The following PDZD9 variants were observed in gnomAD, a reference collection of about 807,000 sequenced individuals.
PDZD9 encodes the protein PDZ domain containing 9.
Under a neutral mutation model 16.3 loss-of-function variants are expected in PDZD9, and 13 were observed. The observed-to-expected ratio is 0.80, with a 90% confidence interval of 0.52 to 1.27. The LOEUF is 1.27. PDZD9 is among the 50% of genes most tolerant of loss of function. PDZD9 has a pLI of 0.00. For missense variants in PDZD9, 288 were observed against 310.9 expected (o/e 0.93, Z 0.55); for synonymous variants, 120 against 111.0 (o/e 1.08, Z -0.51).
chr16:21,963,249 A>G, the PDZD9 span: 16 of 162,482 alleles, frequency 9.8e-5, 1 homozygote, highest in South Asian at 6.6e-4. Flanking sequence ...CACCCACCTC[A>G]GCCTCCCAAA....
At chr16:21,992,553 GA>G (rs1310155782) in intron 2 of PDZD9, among the ~76,000 whole-genome samples, 1 of 152,180 alleles carries the variant, frequency 6.6e-6, no homozygotes, top group Non-Finnish European at 1.5e-5. Flanking sequence ...AAAGCAGGTG[GA>G]AAAAGGTGGA....
chr16:21,969,565 G>A, the PDZD9 span, among the ~76,000 whole-genome samples: 1 of 152,094 alleles, frequency 6.6e-6, no homozygotes, highest in Non-Finnish European at 1.5e-5. Flanking sequence ...TACACTCATA[G>A]ACCCAGTGAC....
chr16:21,970,244 A>G, the PDZD9 span, among the ~76,000 whole-genome samples: 1 of 152,194 alleles, frequency 6.6e-6, no homozygotes, highest in Admixed American at 6.5e-5. Context: ...TGGCTGTCGT[A>G]AATATAAACA....
At chr16:21,998,068 A>G (rs1007054358) in intron 1 of PDZD9, among the ~76,000 whole-genome samples, 1 of 152,224 alleles carries the variant, frequency 6.6e-6, no homozygotes, top group Non-Finnish European at 1.5e-5. Flanking sequence ...ATAGCATAAT[A>G]TAAACAAGAT....
chr16:21,958,637 A>G, the PDZD9 span: 3 of 1,563,182 alleles, frequency 1.9e-6, no homozygotes, highest in Non-Finnish European at 2.6e-6. Context: ...TGAAAATGCC[A>G]GAAAATATTC....
Position 22,001,071 on chromosome 16 carries a change from G to T in PDZD9, c.-24C>A. On this transcript the variant is annotated 5_prime_UTR_variant, in exon 1 of 4. Coordinates refer to ENST00000424898, the MANE Select transcript of PDZD9 (RefSeq NM_001363519.1). ...ATGGTCCCGGGAGGTCAGGCAGCCC[G>T]GGAGGGCCTCCCGGAGCAGAGGCTG... is the stretch of plus-strand genomic sequence containing the variant. 1.5e-5 allele frequency: 22 copies of T among 1,514,934 alleles called. No homozygotes were observed. Among genetic ancestry groups the T allele is most frequent in the Non-Finnish European group, 1.8e-5 (21 of 1,137,516 alleles). The allele number at this position is 1,514,934 out of a possible 1,614,324, so 93.8% of individuals were successfully genotyped here.
At chr16:21,988,939 T>C in intron 2 of PDZD9, 148 bp from the exon 3 acceptor site, 1 of 706,170 alleles carries the variant, frequency 1.4e-6, no homozygotes, top group Non-Finnish European at 2.2e-6. Context: ...TTTTTTTTTT[T>C]TTTTTTTTTG....
chr16:21,976,163 C>G, the PDZD9 span: 6 of 1,613,354 alleles, frequency 3.7e-6, no homozygotes, highest in Non-Finnish European at 5.1e-6. Flanking sequence ...CTTATCTGTC[C>G]TAGGTTATCA....
chr16:21,971,053 A>T, the PDZD9 span, among the ~76,000 whole-genome samples: 2 of 152,004 alleles, frequency 1.3e-5, no homozygotes, highest in African/African-American at 4.8e-5. Flanking sequence ...CTTTCTTGAT[A>T]CAGTGTTCTT....
chr16:21,994,160 C>T (rs1899089327), intron 2 of PDZD9, among the ~76,000 whole-genome samples: 1 of 152,224 alleles, frequency 6.6e-6, no homozygotes, highest in Non-Finnish European at 1.5e-5. Context: ...CAAGCCACTG[C>T]ACTCCAGCAT....
intron 2 of PDZD9, among the ~76,000 whole-genome samples, chr16:21,993,993 C>T (rs1282398540): frequency 1.3e-5 from 2 of 151,898 alleles, no homozygotes; most frequent in African/African-American, 4.8e-5. Flanking sequence ...GAGACACCAC[C>T]CACCCACCAC....
the PDZD9 span, among the ~76,000 whole-genome samples, chr16:21,975,928 T>A: frequency 2.0e-4 from 31 of 152,256 alleles, no homozygotes; most frequent in East Asian, 4.4e-3. Flanking sequence ...CCTGGTAGCA[T>A]GCACCTGTAG....
the PDZD9 span, among the ~76,000 whole-genome samples, chr16:21,961,630 ATATAT>A: frequency 3.1e-5 from 1 of 32,184 alleles, no homozygotes; most frequent in South Asian, 1.6e-3. Flanking sequence ...TAAAATTTAT[ATATAT>A]ATATATATAT....
chr16:21,957,643 A>G, the PDZD9 span: 16 of 1,540,720 alleles, frequency 1.0e-5, no homozygotes, highest in African/African-American at 8.3e-5. Flanking sequence ...ACTAAGATCA[A>G]TGTCTTTATA....
chr16:21,970,647 G>A, the PDZD9 span, among the ~76,000 whole-genome samples: 4 of 151,952 alleles, frequency 2.6e-5, no homozygotes, highest in African/African-American at 9.7e-5. Context: ...GTGCAGTGGC[G>A]CAATCTCAGC....
chr16:21,961,395 C>A, the PDZD9 span: 1 of 402,962 alleles, frequency 2.5e-6, no homozygotes, highest in Non-Finnish European at 5.1e-6. Context: ...TGAACTAGAT[C>A]CATACGTCAA....
chr16:21,969,861 C>G, the PDZD9 span, among the ~76,000 whole-genome samples: 1 of 151,756 alleles, frequency 6.6e-6, no homozygotes. Context: ...ATCCACTAAT[C>G]TACTTTGTTT....
chr16:21,972,844 G>A, the PDZD9 span, among the ~76,000 whole-genome samples: 1 of 152,158 alleles, frequency 6.6e-6, no homozygotes, highest in African/African-American at 2.4e-5. Context: ...GCTCACGCCT[G>A]TAATCCCAGC....
chr16:21,973,981 GT>G, the PDZD9 span: 16 of 1,601,956 alleles, frequency 1.0e-5, no homozygotes, highest in Non-Finnish European at 1.3e-5. Context: ...GGAGATGTAA[GT>G]TGCAAACTCA....
Sources: allele counts gnomAD v4.1 joint callset (sites outside exome capture counted in the v4.1 genomes callset), GRCh38; gene constraint gnomAD v4.1.1; transcripts MANE v1.5; gene names NCBI Gene and HGNC (gene_info 2026-07-23, HGNC 2026-07-21).